NECTIN1: variants seen among roughly 807,000 people sequenced by gnomAD.
NECTIN1 encodes the protein nectin cell adhesion molecule 1.
In NECTIN1, 23 loss-of-function variants were observed where a neutral mutation model predicts 48.0. The ratio of observed to expected loss-of-function variants is 0.48; its 90% CI spans 0.34 to 0.68. The LOEUF (loss-of-function observed/expected upper bound fraction) is 0.68. Ranked by LOEUF, NECTIN1 falls within the 30% of genes least tolerant of loss-of-function variation. The pLI is 0.01. For synonymous variants in NECTIN1, 270 were observed against 288.9 expected, an observed-to-expected ratio of 0.93 and a Z score of 0.66; for missense variants, 591 against 709.9, an observed-to-expected ratio of 0.83 and a Z score of 1.90.
chr11:119,647,988 T>C (rs4633482), intron 5 of NECTIN1, among the ~76,000 whole-genome samples: 145,524 of 148,104 alleles, frequency 0.98, 71,531 homozygotes, highest in East Asian at 1. Context: ...CACTTGAACC[T>C]GGGAGGCGGA....
intron 1 of NECTIN1, among the ~76,000 whole-genome samples, chr11:119,712,456 T>C (rs948776987): frequency 6.0e-5 from 9 of 150,390 alleles, no homozygotes; most frequent in Non-Finnish European, 1.2e-4. Flanking sequence ...CCTCACCTGT[T>C]TTGAGGCCAG....
chr11:119,703,326 C>T (rs573459595), intron 1 of NECTIN1, among the ~76,000 whole-genome samples: 1 of 152,344 alleles, frequency 6.6e-6, no homozygotes, highest in African/African-American at 2.4e-5. Context: ...CAGGAAGGGC[C>T]TTCATGCTGG....
Position 119,662,991 on chromosome 11 carries a change from TG to T in NECTIN1, c.*1755del, listed in dbSNP as rs1232452627. 1.3e-6 allele frequency: 1 copy of T among 798,748 alleles called. No individual in the cohort carries two copies. The highest frequency in any genetic ancestry group is 1.5e-6 in the Non-Finnish European group (1 of 685,190). The allele number at this position is 798,748 out of a possible 1,614,324, so 49.5% of individuals were successfully genotyped here. A position where few individuals can be genotyped will look rare whatever the true frequency, so the allele number is the denominator to read the frequency against. ...AGGGTTGCCAGGGCAGAAATGGAGC[TG>T]GCAGGGGGTTCAATAGCAGCACCAG... On this transcript the variant is annotated 3_prime_UTR_variant, in exon 6 of 6. Transcript: ENST00000264025. The surrounding 1 kb of genome is among the most constrained non-coding windows in gnomAD (Gnocchi z 5.3).
chr11:119,726,551 G>T (rs1199106526), intron 1 of NECTIN1, among the ~76,000 whole-genome samples: 1 of 152,166 alleles, frequency 6.6e-6, no homozygotes, highest in Non-Finnish European at 1.5e-5. Flanking sequence ...TTTGGCAGGG[G>T]TTGTATCCAC....
intron 5 of NECTIN1, among the ~76,000 whole-genome samples, chr11:119,643,768 A>G (rs534149109): frequency 1.4e-4 from 21 of 152,302 alleles, no homozygotes; most frequent in Admixed American, 3.3e-4. Flanking sequence ...GGGCAGGCCC[A>G]GTCACCTGCA....
Position 119,675,211 on chromosome 11 carries a change from C to T in NECTIN1, c.951G>A (p.Glu317=). Reference sequence around the variant, plus strand: ...AGCGTGTACCGATGGGGTTGGTGGCCTCACAGATGTAGGTCCCTGCCAGGC... The same window carrying T: ...AGCGTGTACCGATGGGGTTGGTGGCTTCACAGATGTAGGTCCCTGCCAGGC... ...NYSLAGTYIC[E]ATNPIGTRSG... Residue 317 remains glutamate, a synonymous_variant, in exon 5 of 6, where the codon GAG becomes GAA. Coordinates refer to ENST00000264025, the MANE Select transcript of NECTIN1 (RefSeq NM_002855.5). 1 of 1,614,142 alleles carries T rather than the reference C, an allele frequency of 6.2e-7. No individual in the cohort carries two copies. Among genetic ancestry groups the T allele is most frequent in the Non-Finnish European group, 8.5e-7 (1 of 1,180,036 alleles).
intron 1 of NECTIN1, among the ~76,000 whole-genome samples, chr11:119,711,662 G>A (rs1865649178): frequency 6.6e-6 from 1 of 152,188 alleles, no homozygotes; most frequent in South Asian, 2.1e-4. Context: ...GTGTGTTGGG[G>A]CTCAGCCATC....
At position 119,693,603 on chromosome 11, in the gene NECTIN1, A is replaced by G. The variant is rs11217407; in HGVS notation, c.80-14838T>C. The stretch of plus-strand genomic sequence containing the variant: ...ACCATGAAGCCCAGGAAGTGGCAGC[A>G]GGTGCTCATGAAGAGTCAGCAGAGG... On this transcript the variant is annotated intron_variant, in intron 1 of 5. Transcript: ENST00000264025. 3.7e-3 allele frequency among the ~76,000 whole-genome samples: 563 copies of G among 152,230 alleles called. 5 individuals carry two copies. The East Asian group carries it at 0.048, about 13-fold the overall frequency.
intron 1 of NECTIN1, among the ~76,000 whole-genome samples, chr11:119,687,147 G>C (rs1279576853): frequency 6.6e-6 from 1 of 151,998 alleles, no homozygotes; most frequent in Non-Finnish European, 1.5e-5. Context: ...CAGGGGGAAG[G>C]TTGGCCCGAT....
intron 1 of NECTIN1, among the ~76,000 whole-genome samples, chr11:119,696,004 T>C (rs1395109919): frequency 6.6e-6 from 1 of 152,258 alleles, no homozygotes. Context: ...CCAAGTCTCT[T>C]GACCCTTCTT....
intron 5 of NECTIN1, among the ~76,000 whole-genome samples, chr11:119,666,314 C>T (rs11217383): frequency 0.012 from 1,761 of 152,218 alleles, 44 homozygotes; most frequent in East Asian, 0.1. Flanking sequence ...ATCTGTATGC[C>T]CCGTGGACAC....
In NECTIN1 at chr11:119,703,974, C is replaced by T. The variant is rs973383129; in HGVS notation, c.79+24501G>A. 1.2e-4 allele frequency among the ~76,000 whole-genome samples: 19 copies of T among 152,180 alleles called. 1 individual carries two copies. The highest frequency in any genetic ancestry group is 2.5e-4 in the Non-Finnish European group (17 of 68,046). On this transcript the variant is annotated intron_variant, in intron 1 of 5. Coordinates refer to ENST00000264025, the MANE Select transcript of NECTIN1 (RefSeq NM_002855.5). ...CCTTTATCATGCCCATCCTTTCACA[C>T]TCGGAGTACGTGTTAGTGTGCCTTT...
intron 1 of NECTIN1, among the ~76,000 whole-genome samples, chr11:119,711,074 A>C (rs1399560944): frequency 4.4e-5 from 6 of 136,722 alleles, no homozygotes; most frequent in Middle Eastern, 3.4e-3. Flanking sequence ...AAAAAAAAAA[A>C]ACCAAAAACA....
At chr11:119,719,966 G>A (rs1030854304) in intron 1 of NECTIN1, among the ~76,000 whole-genome samples, 1 of 152,206 alleles carries the variant, frequency 6.6e-6, no homozygotes, top group Non-Finnish European at 1.5e-5. Context: ...AAGCGGGAAT[G>A]GGGGAACAGC....
rs185436242 is a variant in NECTIN1, at chr11:119,650,228, C to A, written c.1004-10216G>T. On this transcript the variant is annotated intron_variant, in intron 5 of 7. Coordinates refer to the NECTIN1 transcript ENST00000341398. The stretch of plus-strand genomic sequence containing the variant: ...TGTGGTGGAATGTCATCAGTTAAGG[C>A]AGGAACCGGCCATCTGGATGTGTAC... Among the ~76,000 whole-genome samples the A allele has an allele frequency of 2.5e-3, 378 of 152,270 alleles. 1 individual carries two copies. The highest frequency in any genetic ancestry group is 4.9e-3 in the Admixed American group (75 of 15,302).
At chr11:119,717,679 C>G (rs991818066) in intron 1 of NECTIN1, among the ~76,000 whole-genome samples, 9 of 152,230 alleles carry the variant, frequency 5.9e-5, no homozygotes, top group Non-Finnish European at 1.3e-4. Flanking sequence ...GCCTCTGCCA[C>G]TGATTCAAAA....
chr11:119,722,151 TC>T (rs1320613380), intron 1 of NECTIN1, among the ~76,000 whole-genome samples: 1 of 152,202 alleles, frequency 6.6e-6, no homozygotes, highest in Non-Finnish European at 1.5e-5. Flanking sequence ...CATAAGACGG[TC>T]AGCAAATTAC....
chr11:119,663,152 G>A lies in NECTIN1; in HGVS notation c.*1595C>T. 3 of 985,542 alleles carry A rather than the reference G, an allele frequency of 3.0e-6. No individual in the cohort carries two copies. The highest frequency in any genetic ancestry group is 3.6e-6 in the Non-Finnish European group (3 of 829,990). The allele number at this position is 985,542 out of a possible 1,614,324, so 61.0% of individuals were successfully genotyped here. A position where few individuals can be genotyped will look rare whatever the true frequency, so the allele number is the denominator to read the frequency against. On this transcript the variant is annotated 3_prime_UTR_variant, in exon 6 of 6. Transcript: ENST00000264025. ...CCTGCAGAGCCCCTGACACCCTGGG[G>A]TGAGTTAACTGGAATCCCAGTGGGC... is the stretch of plus-strand genomic sequence containing the variant.
At chr11:119,640,042 G>T in intron 5 of NECTIN1, 1 of 1,586,010 alleles carries the variant, frequency 6.3e-7, no homozygotes, top group South Asian at 1.1e-5. Context: ...AAGAGGATTA[G>T]AGAGAGAAAC....
Sources: allele counts gnomAD v4.1 joint callset (sites outside exome capture counted in the v4.1 genomes callset), GRCh38; gene constraint gnomAD v4.1.1; non-coding constraint Gnocchi (gnomAD v3.1); transcripts MANE v1.5; gene names NCBI Gene and HGNC (gene_info 2026-07-23, HGNC 2026-07-21).